The following SLIT3 variants were observed in gnomAD, a reference collection of about 807,000 sequenced individuals.
SLIT3 encodes slit guidance ligand 3.
Under a neutral mutation model 184.0 loss-of-function variants are expected in SLIT3, and 68 were observed. The observed-to-expected ratio is 0.37, with a 90% CI of 0.30 to 0.45. SLIT3 has a LOEUF of 0.45. Ranked by LOEUF, SLIT3 falls within the 20% of genes least tolerant of loss-of-function variation. The probability of loss-of-function intolerance (pLI) is 1.00; values close to 1 mark genes in which losing one functional copy is unlikely to be tolerated. For synonymous variants in SLIT3, 831 were observed against 828.6 expected (o/e 1.00, Z -0.05); for missense variants, 1,707 against 2,026.0 (o/e 0.84, Z 3.02).
At chr5:169,032,692 T>C (rs943547812) in intron 4 of SLIT3, among the ~76,000 whole-genome samples, 16 of 147,150 alleles carry the variant, frequency 1.1e-4, no homozygotes, top group African/African-American at 1.7e-4. Flanking sequence ...CACATGAAAA[T>C]AGTTGGAGGA....
At chr5:168,667,697 T>G (rs1761101208) in intron 35 of SLIT3, 1 of 152,222 alleles carries the variant, frequency 6.6e-6, no homozygotes, top group Admixed American at 6.5e-5. Context: ...GGTAACACAT[T>G]TACCTGTCCT....
chr5:169,084,454 A>ATT (rs56062027), intron 4 of SLIT3, among the ~76,000 whole-genome samples: 8 of 101,408 alleles, frequency 7.9e-5, no homozygotes, highest in South Asian at 3.3e-4. Flanking sequence ...CCATGCCCAG[A>ATT]TTTTTTTTTT....
intron 4 of SLIT3, among the ~76,000 whole-genome samples, chr5:169,075,265 G>A (rs923968977): frequency 1.4e-4 from 22 of 152,088 alleles, no homozygotes; most frequent in Non-Finnish European, 2.5e-4. Flanking sequence ...TCGTGACTAG[G>A]GTAAGAAGGG....
At chr5:169,281,156 A>G (rs1287300607) in intron 1 of SLIT3, among the ~76,000 whole-genome samples, 1 of 152,188 alleles carries the variant, frequency 6.6e-6, no homozygotes, top group African/African-American at 2.4e-5. Flanking sequence ...GAAACTAGAA[A>G]TAGATTTGTA....
chr5:168,889,641 C>T (rs1228213536), intron 4 of SLIT3, among the ~76,000 whole-genome samples: 1 of 152,212 alleles, frequency 6.6e-6, no homozygotes, highest in African/African-American at 2.4e-5. Flanking sequence ...ATGTTTAATA[C>T]TGATGGATTA....
intron 8 of SLIT3, 145 bp downstream of exon 8, chr5:168,817,155 T>C (rs897635822): frequency 1.6e-6 from 1 of 643,438 alleles, no homozygotes; most frequent in Non-Finnish European, 2.7e-6. Flanking sequence ...TTTAAGTGAC[T>C]ACTGAGTACT....
At chr5:169,026,340 G>C (rs558441915) in intron 4 of SLIT3, 4 of 152,326 alleles carry the variant, frequency 2.6e-5, no homozygotes, top group Admixed American at 2.6e-4. Context: ...AATGTGGTGG[G>C]TGTGAAGCTT....
At chr5:169,130,571 C>T (rs370931423) in intron 4 of SLIT3, among the ~76,000 whole-genome samples, 1 of 152,168 alleles carries the variant, frequency 6.6e-6, no homozygotes, top group Admixed American at 6.5e-5. Context: ...TGAGGTTGTT[C>T]ATTTACTGCT....
intron 3 of SLIT3, among the ~76,000 whole-genome samples, chr5:169,240,604 T>C (rs1429032991): frequency 6.9e-6 from 1 of 144,774 alleles, no homozygotes; most frequent in African/African-American, 2.5e-5. Context: ...TTTTTTACTT[T>C]CAAGTTTTCT....
At position 168,824,724 on chromosome 5, in the gene SLIT3, GCCC is replaced by G. The variant is rs1192269882; in HGVS notation, c.558-1396_558-1394del. On this transcript the variant is annotated intron_variant, in intron 6 of 35. Transcript: ENST00000519560. Reference sequence around the variant, plus strand: ...CCTCATGGTGGCCACTTGTTCCTGTGCCCTTCTATTCTCCGCTCCTCCCAGAAC... The same window carrying G: ...CCTCATGGTGGCCACTTGTTCCTGTGTTCTATTCTCCGCTCCTCCCAGAAC... 2.0e-5 allele frequency among the ~76,000 whole-genome samples: 3 copies of G among 152,118 alleles called. No homozygotes were observed. In the East Asian group the frequency reaches 5.8e-4, roughly 29 times the overall value.
intron 4 of SLIT3, among the ~76,000 whole-genome samples, chr5:169,146,591 C>T (rs1014539618): frequency 3.3e-5 from 5 of 152,138 alleles, no homozygotes; most frequent in Admixed American, 6.6e-5. Flanking sequence ...TCACCCGGCT[C>T]CTCCTGCCTC....
At chr5:168,691,095 T>A (rs1212527865) in intron 29 of SLIT3, among the ~76,000 whole-genome samples, 1 of 152,078 alleles carries the variant, frequency 6.6e-6, no homozygotes, top group African/African-American at 2.4e-5. Context: ...GCCTAGAACT[T>A]CTTTCTTTTC....
At chr5:168,736,198 A>G (rs1375621820) in intron 20 of SLIT3, among the ~76,000 whole-genome samples, 2 of 152,178 alleles carry the variant, frequency 1.3e-5, no homozygotes, top group Non-Finnish European at 2.9e-5. Flanking sequence ...CAATGAACTC[A>G]ATGAATGGAA....
intron 4 of SLIT3, among the ~76,000 whole-genome samples, chr5:169,159,922 T>C (rs982334510): frequency 4.6e-5 from 7 of 152,120 alleles, no homozygotes; most frequent in African/African-American, 1.7e-4. Context: ...TCTTAGAAAA[T>C]GTATATAATG....
chr5:169,223,829 A>C (rs1764698432), intron 3 of SLIT3, among the ~76,000 whole-genome samples: 1 of 152,176 alleles, frequency 6.6e-6, no homozygotes, highest in African/African-American at 2.4e-5. Context: ...GTTTCTGTAG[A>C]AATGCCTGTG....
chr5:169,280,674 G>C (rs1021820825), intron 1 of SLIT3, among the ~76,000 whole-genome samples: 5 of 152,178 alleles, frequency 3.3e-5, no homozygotes, highest in African/African-American at 1.2e-4. Context: ...AGGTGCAGAA[G>C]ATCTGGCTGG....
At chr5:169,072,022 T>C (rs1758565970) in intron 4 of SLIT3, among the ~76,000 whole-genome samples, 1 of 152,122 alleles carries the variant, frequency 6.6e-6, no homozygotes, top group Admixed American at 6.5e-5. Context: ...TCAGCTTTGA[T>C]CCCCAAATAG....
Position 168,842,469 on chromosome 5 carries a change from GTT to G in SLIT3, c.557+2113_557+2114del, listed in dbSNP as rs778998998. ...TGGTGCATCTGGATACCGTTTTTTC[GTT>G]TTTTTTTTTTTTTTTTGTATCTGAG... On this transcript the variant is annotated intron_variant, in intron 6 of 35. Transcript: ENST00000519560. 2.3e-4 allele frequency among the ~76,000 whole-genome samples: 20 copies of G among 88,070 alleles called. 1 individual carries two copies. The East Asian group carries it at 4.6e-3, about 20-fold the overall frequency. 57.8% of individuals were successfully genotyped at this position (88,070 alleles called of 152,430 possible).
At chr5:168,803,040 A>G (rs975084058) in intron 9 of SLIT3, among the ~76,000 whole-genome samples, 2 of 152,218 alleles carry the variant, frequency 1.3e-5, no homozygotes, top group African/African-American at 4.8e-5. Context: ...TTATTTCTGG[A>G]AACACTCTAG....
Sources: allele counts gnomAD v4.1 joint callset (sites outside exome capture counted in the v4.1 genomes callset), GRCh38; gene constraint gnomAD v4.1.1; transcripts MANE v1.5; gene names NCBI Gene and HGNC (gene_info 2026-07-23, HGNC 2026-07-21).